CSMD1: variants seen among roughly 807,000 people sequenced by gnomAD.
The protein encoded by CSMD1 is CUB and sushi domain-containing protein 1.
CSMD1 carries 213 observed loss-of-function variants against 417.5 expected under a neutral mutation model. The ratio of observed to expected loss-of-function variants is 0.51; its 90% CI spans 0.46 to 0.57. CSMD1 has a LOEUF of 0.57. CSMD1 is among the 20% of genes least tolerant of loss of function. CSMD1 has a pLI of 0.00. For synonymous variants in CSMD1, 2,862 were observed against 1,736.8 expected, an observed-to-expected ratio of 1.65 and a Z score of -16.11; for missense variants, 6,923 against 4,529.7, an observed-to-expected ratio of 1.53 and a Z score of -15.17.
At chr8:3,660,900 C>T (rs558075239) in intron 7 of CSMD1, among the ~76,000 whole-genome samples, 34 of 152,172 alleles carry the variant, frequency 2.2e-4, no homozygotes, top group Non-Finnish European at 4.4e-4. Flanking sequence ...TTTGTATACA[C>T]AGCTGCTCCC....
intron 1 of CSMD1, among the ~76,000 whole-genome samples, chr8:4,670,012 G>C (rs149393936): frequency 2.3e-4 from 35 of 152,270 alleles, no homozygotes; most frequent in African/African-American, 7.7e-4. Context: ...TGTTGCTCCA[G>C]AACAAATGAA....
chr8:3,085,374 T>A (rs1353975982), intron 49 of CSMD1, among the ~76,000 whole-genome samples: 4 of 152,240 alleles, frequency 2.6e-5, no homozygotes, highest in African/African-American at 9.6e-5. Context: ...ATGATACTTC[T>A]TAAATATTTT....
intron 3 of CSMD1, among the ~76,000 whole-genome samples, chr8:4,386,575 G>T (rs923855646): frequency 3.9e-5 from 6 of 152,230 alleles, no homozygotes; most frequent in Admixed American, 2.6e-4. Context: ...CTATAAGAGA[G>T]AAAGGCCTGT....
chr8:3,436,746 G>C (rs559419255), intron 12 of CSMD1, among the ~76,000 whole-genome samples: 2 of 152,086 alleles, frequency 1.3e-5, no homozygotes, highest in Admixed American at 6.5e-5. Flanking sequence ...TTGGCAATGA[G>C]CATTTTTAGG....
chr8:3,466,500 C>A (rs1238430353), intron 12 of CSMD1, among the ~76,000 whole-genome samples: 1 of 152,016 alleles, frequency 6.6e-6, no homozygotes, highest in East Asian at 1.9e-4. Context: ...AGCTCCACTA[C>A]CCGGGTTCAA....
chr8:2,995,632 G>C (rs187447719), intron 54 of CSMD1, among the ~76,000 whole-genome samples: 1 of 152,228 alleles, frequency 6.6e-6, no homozygotes, highest in East Asian at 1.9e-4. Flanking sequence ...TGACAGCAAA[G>C]TCTGGAATCA....
At position 3,040,575 on chromosome 8, in the gene CSMD1, C is replaced by T. The variant is rs190177318; in HGVS notation, c.7661-11062G>A. 7.4e-3 allele frequency among the ~76,000 whole-genome samples: 1,121 copies of T among 151,858 alleles called. 22 individuals are homozygous for T. Among genetic ancestry groups the T allele is most frequent in the African/African-American group, 0.025 (1,041 of 41,468 alleles). On this transcript the variant is annotated intron_variant, in intron 50 of 69. Transcript: ENST00000635120. ...ATCCCAGCACTTTGGGAGGACGAGG[C>T]AGGTGGATCACGAGGTCAGGAGTTC...
intron 1 of CSMD1, among the ~76,000 whole-genome samples, chr8:4,687,405 T>C (rs763636337): frequency 6.6e-6 from 1 of 152,162 alleles, no homozygotes; most frequent in African/African-American, 2.4e-5. Flanking sequence ...AAATACGTAC[T>C]AGAGTGGAAA....
rs187494268 is a variant in CSMD1, at chr8:3,189,052, G to C, written c.5399-41C>G. ...ATATGTCATGAAATAAAGTGCTGTGGGACAGTGTTGATTTGGCATGCAGTT... is the reference window on the plus strand; with the variant it reads ...ATATGTCATGAAATAAAGTGCTGTGCGACAGTGTTGATTTGGCATGCAGTT... On this transcript the variant is annotated intron_variant, in intron 34 of 69. Coordinates refer to ENST00000635120, the MANE Select transcript of CSMD1 (RefSeq NM_033225.6). 2,036 of 1,582,288 alleles carry C rather than the reference G, an allele frequency of 1.3e-3. 30 individuals carry two copies. The highest frequency in any genetic ancestry group is 1.2e-4 in the Non-Finnish European group (144 of 1,161,312).
chr8:4,632,044 T>C (rs1311204912), intron 2 of CSMD1, among the ~76,000 whole-genome samples: 14 of 152,230 alleles, frequency 9.2e-5, no homozygotes, highest in Admixed American at 9.2e-4. Context: ...TTGTTTCTGA[T>C]TTGGGACAAG....
At chr8:3,055,013 C>T (rs952668906) in intron 49 of CSMD1, among the ~76,000 whole-genome samples, 9 of 152,138 alleles carry the variant, frequency 5.9e-5, no homozygotes, top group African/African-American at 1.7e-4. Flanking sequence ...CTGAAAATCA[C>T]GTGTTCATGA....
chr8:4,480,575 A>T (rs1263452495), intron 2 of CSMD1, among the ~76,000 whole-genome samples: 1 of 152,194 alleles, frequency 6.6e-6, no homozygotes, highest in Admixed American at 6.5e-5. Flanking sequence ...TGCAATCAGC[A>T]CGGTTTAGCT....
intron 12 of CSMD1, among the ~76,000 whole-genome samples, chr8:3,435,579 G>A (rs927202817): frequency 1.3e-5 from 2 of 152,182 alleles, no homozygotes; most frequent in South Asian, 2.1e-4. Flanking sequence ...ATCTCGTCAT[G>A]TCTGTCTTCT....
intron 50 of CSMD1, among the ~76,000 whole-genome samples, chr8:3,050,266 T>C (rs1242780501): frequency 6.6e-6 from 1 of 152,158 alleles, no homozygotes; most frequent in Non-Finnish European, 1.5e-5. Flanking sequence ...GGGTATAGGA[T>C]TTAGAACAAG....
chr8:4,583,836 T>C (rs1016167992), intron 2 of CSMD1, among the ~76,000 whole-genome samples: 12 of 152,186 alleles, frequency 7.9e-5, no homozygotes, highest in African/African-American at 2.9e-4. Flanking sequence ...CCCACTCGTG[T>C]CCCCTTCCAC....
chr8:4,871,965 T>C (rs1017398599), intron 1 of CSMD1, among the ~76,000 whole-genome samples: 2 of 152,056 alleles, frequency 1.3e-5, no homozygotes, highest in Admixed American at 1.3e-4. Flanking sequence ...CAAGCATAGG[T>C]GACAGCAGCA....
intron 1 of CSMD1, among the ~76,000 whole-genome samples, chr8:4,870,700 C>G (rs749489942): frequency 6.6e-6 from 1 of 152,132 alleles, no homozygotes; most frequent in Non-Finnish European, 1.5e-5. Flanking sequence ...GAAGATGTCA[C>G]GGGACAAAGC....
intron 2 of CSMD1, among the ~76,000 whole-genome samples, chr8:4,622,917 G>A (rs1205233366): frequency 2.6e-5 from 4 of 151,914 alleles, no homozygotes; most frequent in East Asian, 1.9e-4. Context: ...GGAAGGTCAC[G>A]GAATACAGAT....
intron 3 of CSMD1, among the ~76,000 whole-genome samples, chr8:4,118,061 G>T (rs555962722): frequency 1.9e-4 from 29 of 151,876 alleles, no homozygotes; most frequent in Non-Finnish European, 3.1e-4. Context: ...AATGAAGGGT[G>T]TAACATCGGC....
Sources: gnomAD v4.1 joint callset for allele counts (sites outside exome capture counted in the v4.1 genomes callset) on GRCh38, gnomAD v4.1.1 for gene constraint, MANE v1.5 for transcripts, NCBI Gene and HGNC (gene_info 2026-07-23, HGNC 2026-07-21) for gene names.